The following SEM1 variants were observed in gnomAD, a reference collection of about 807,000 sequenced individuals.
SEM1 encodes 26S proteasome complex subunit SEM1.
SEM1 carries 3 observed loss-of-function variants against 12.7 expected under a neutral mutation model. The observed-to-expected ratio is 0.24, with a 90% CI of 0.11 to 0.61. The LOEUF is 0.61. SEM1 is among the 20% of genes least tolerant of loss of function. The pLI is 0.88. For synonymous variants in SEM1, 30 were observed against 27.8 expected, an observed-to-expected ratio of 1.08 and a Z score of -0.25; for missense variants, 59 against 81.3, an observed-to-expected ratio of 0.73 and a Z score of 1.06.
chr7:96,587,949 A>T (rs546544939), intron 2 of SEM1, among the ~76,000 whole-genome samples: 18 of 152,318 alleles, frequency 1.2e-4, no homozygotes, highest in African/African-American at 4.3e-4. Context: ...ACTTTGTACC[A>T]ATAGACCTGG....
intron 2 of SEM1, among the ~76,000 whole-genome samples, chr7:96,517,725 T>C (rs1804140729): frequency 6.6e-6 from 1 of 152,136 alleles, no homozygotes; most frequent in Non-Finnish European, 1.5e-5. Flanking sequence ...TTTCCTCCCA[T>C]ATGTGTTAAG....
chr7:96,538,439 C>G (rs763876309), intron 2 of SEM1, among the ~76,000 whole-genome samples: 18 of 151,792 alleles, frequency 1.2e-4, no homozygotes, highest in Non-Finnish European at 2.2e-4. Context: ...AGGATTTATG[C>G]TAATCTGGCT....
At chr7:96,637,140 G>C (rs1340652305) in intron 2 of SEM1, 1 of 151,930 alleles carries the variant, frequency 6.6e-6, no homozygotes, top group African/African-American at 2.4e-5. Flanking sequence ...GTTGTGGAGA[G>C]GGTATATATG....
chr7:96,688,652 AAAAG>A (rs1282692312), downstream of SEM1: 1 of 247,234 alleles, frequency 4.0e-6, no homozygotes, highest in East Asian at 8.2e-5. Flanking sequence ...TTAAAAAAAA[AAAAG>A]AAAATTTCAT....
upstream of SEM1, among the ~76,000 whole-genome samples, chr7:96,499,223 T>C (rs1803418470): frequency 1.3e-5 from 2 of 152,334 alleles, no homozygotes; most frequent in East Asian, 3.9e-4. Flanking sequence ...CATAACTAAT[T>C]CAGCCTAATG....
At chr7:96,661,767 C>T (rs1789009613) in intron 2 of SEM1, among the ~76,000 whole-genome samples, 1 of 152,032 alleles carries the variant, frequency 6.6e-6, no homozygotes, top group South Asian at 2.1e-4. Flanking sequence ...GCGGGCAGAT[C>T]ACCTGAGGTC....
intron 2 of SEM1, among the ~76,000 whole-genome samples, chr7:96,543,686 G>A (rs1467722253): frequency 6.6e-6 from 1 of 151,804 alleles, no homozygotes; most frequent in African/African-American, 2.4e-5. Flanking sequence ...CCCATATTCT[G>A]GATTCATCAG....
intron 2 of SEM1, among the ~76,000 whole-genome samples, chr7:96,563,801 CAA>C (rs1805763313): frequency 6.6e-6 from 1 of 152,212 alleles, no homozygotes; most frequent in South Asian, 2.1e-4. Context: ...AACAAAAATT[CAA>C]ACTGTTAATA....
intron 2 of SEM1, among the ~76,000 whole-genome samples, chr7:96,599,641 G>A (rs1807132494): frequency 6.6e-6 from 1 of 152,136 alleles, no homozygotes. Context: ...TTTTAAAAAT[G>A]ACATGAATTT....
At position 96,526,769 on chromosome 7, in the gene SEM1, C is replaced by T. The variant is rs538242054; in HGVS notation, c.171-20071G>A. 4.1e-4 allele frequency among the ~76,000 whole-genome samples: 62 copies of T among 152,162 alleles called. 1 individual carries two copies. Among genetic ancestry groups the T allele is most frequent in the African/African-American group, 1.4e-3 (58 of 41,532 alleles). On this transcript the variant is annotated intron_variant and NMD_transcript_variant, in intron 2 of 3. Transcript: ENST00000466986. The stretch of plus-strand genomic sequence containing the variant: ...TTTCAGAGGGTGGCTTTGTTCTTCC[C>T]AGCCCCTGGGGCTTGTGTTCTGTGG...
chr7:96,693,790 G>GTGTGTGTGTGTGTGTGTGTA (rs1023821213), intron 2 of SEM1, among the ~76,000 whole-genome samples: 28 of 145,540 alleles, frequency 1.9e-4, no homozygotes, highest in African/African-American at 7.3e-4. Flanking sequence ...GTGTGTGTGT[G>GTGTGTGTGTGTGTGTGTGTA]TATATATATA....
intron 1 of SEM1, among the ~76,000 whole-genome samples, chr7:96,703,021 A>G (rs1386288508): frequency 2.0e-5 from 3 of 152,254 alleles, no homozygotes; most frequent in Non-Finnish European, 2.9e-5. Context: ...CCAGGACTCT[A>G]TAGTAAGACA....
intron 2 of SEM1, chr7:96,645,958 T>C (rs1222461963): frequency 2.5e-6 from 1 of 398,086 alleles, no homozygotes; most frequent in African/African-American, 2.1e-5. Flanking sequence ...AGAAAATATA[T>C]TCCATGAATA....
Position 96,483,493 on chromosome 7 carries a change from G to T in SEM1, c.*366C>A, listed in dbSNP as rs563845876. 1.2e-5 allele frequency: 3 copies of T among 256,418 alleles called. No homozygotes were observed. In the East Asian group the frequency reaches 3.4e-4, roughly 29 times the overall value. 15.9% of individuals were successfully genotyped at this position (256,418 alleles called of 1,614,324 possible). ...AGCAACAAACCATCAAACCTCAGAT[G>T]CTTAACCCAACAAAAGCATTTTCTC... On this transcript the variant is annotated 3_prime_UTR_variant, in exon 4 of 4. Coordinates refer to the SEM1 transcript ENST00000356686.
At chr7:96,619,363 A>G (rs1415284498), downstream of SEM1, among the ~76,000 whole-genome samples, 2 of 152,124 alleles carry the variant, frequency 1.3e-5, no homozygotes, top group Admixed American at 6.5e-5. Context: ...AGCGGTACAC[A>G]GGATCAGTGG....
intron 2 of SEM1, chr7:96,484,997 A>G (rs1802695843): frequency 2.4e-6 from 1 of 423,998 alleles, no homozygotes; most frequent in South Asian, 1.9e-5. Flanking sequence ...TAAGTGCCTC[A>G]TAGTATATAG....
chr7:96,484,395 A>G (rs1802668715), intron 3 of SEM1, among the ~76,000 whole-genome samples: 1 of 152,184 alleles, frequency 6.6e-6, no homozygotes, highest in Non-Finnish European at 1.5e-5. Context: ...CATCTCTCTA[A>G]CTGTGAAGAT....
At chr7:96,501,870 C>T (rs1803568299) in intron 3 of SEM1, among the ~76,000 whole-genome samples, 1 of 152,060 alleles carries the variant, frequency 6.6e-6, no homozygotes, top group South Asian at 2.1e-4. Context: ...CCCTGACCAT[C>T]CCCCTCCCTC....
At chr7:96,653,500 TG>T (rs1809069203) in intron 2 of SEM1, among the ~76,000 whole-genome samples, 1 of 151,956 alleles carries the variant, frequency 6.6e-6, no homozygotes, top group South Asian at 2.1e-4. Flanking sequence ...GTAAGAGAGG[TG>T]GGACAGAAGT....
Sources: allele counts gnomAD v4.1 joint callset (sites outside exome capture counted in the v4.1 genomes callset), GRCh38; gene constraint gnomAD v4.1.1; transcripts MANE v1.5; gene names NCBI Gene and HGNC (gene_info 2026-07-23, HGNC 2026-07-21).